The following BRF1 variants were observed in gnomAD, a reference collection of about 807,000 sequenced individuals.
BRF1 encodes the protein BRF1 general transcription factor IIIB subunit, also known as transcription factor IIIB 90 kDa subunit.
BRF1 carries 59 observed loss-of-function variants against 81.7 expected under a neutral mutation model. That is an observed-to-expected ratio of 0.72 (90% CI 0.59 to 0.90). BRF1 has a LOEUF of 0.90. BRF1 is among the 40% of genes least tolerant of loss of function. The pLI is 0.00. For synonymous variants in BRF1, 491 were observed against 395.6 expected (o/e 1.24, Z -2.86); for missense variants, 1,050 against 936.3 (o/e 1.12, Z -1.58).
chr14:105,247,660 T>C (rs762036093), intron 5 of BRF1: 140 of 985,282 alleles, frequency 1.4e-4, no homozygotes, highest in Non-Finnish European at 1.7e-4. Context: ...CCCGAGATGC[T>C]GGCTGCGTCC....
chr14:105,294,714 G>C (rs1349928971), intron 1 of BRF1, among the ~76,000 whole-genome samples: 1 of 152,068 alleles, frequency 6.6e-6, no homozygotes, highest in East Asian at 1.9e-4. Flanking sequence ...GAGAGACAAA[G>C]GGAAAAAAAG....
At chr14:105,263,924 CAA>C (rs58615148) in intron 3 of BRF1, among the ~76,000 whole-genome samples, 26 of 78,500 alleles carry the variant, frequency 3.3e-4, no homozygotes, top group Admixed American at 5.7e-4. Context: ...GACTCTGTCT[CAA>C]AAAAAAAAAA....
intron 14 of BRF1, 37 bp downstream of exon 14, chr14:105,218,961 C>T: frequency 6.2e-7 from 1 of 1,613,458 alleles, no homozygotes; most frequent in Non-Finnish European, 8.5e-7. Flanking sequence ...ACCTGGACAC[C>T]CCCAAGAAGG....
chr14:105,273,729 C>T (rs1397011047), intron 2 of BRF1, among the ~76,000 whole-genome samples: 1 of 152,158 alleles, frequency 6.6e-6, no homozygotes, highest in African/African-American at 2.4e-5. Flanking sequence ...TAAAAGTCAT[C>T]GCCATTCTCC....
intron 1 of BRF1, among the ~76,000 whole-genome samples, chr14:105,291,491 C>T (rs1665935612): frequency 6.6e-6 from 1 of 152,098 alleles, no homozygotes; most frequent in Admixed American, 6.5e-5. Context: ...GCCTGGCCAA[C>T]AGGGCGAAAC....
intron 3 of BRF1, among the ~76,000 whole-genome samples, chr14:105,272,464 C>T (rs2056699787): frequency 6.6e-6 from 1 of 152,246 alleles, no homozygotes; most frequent in Non-Finnish European, 1.5e-5. Flanking sequence ...GATTCTCAGG[C>T]ACCGACAGAA....
At chr14:105,302,492 C>T (rs776354170), upstream of BRF1, among the ~76,000 whole-genome samples, 5 of 148,204 alleles carry the variant, frequency 3.4e-5, no homozygotes, top group East Asian at 2.1e-4. Context: ...CATGAGCCAC[C>T]GTGCATGGCC....
At chr14:105,251,650 C>T (rs1423403154) in intron 5 of BRF1, among the ~76,000 whole-genome samples, 1 of 152,136 alleles carries the variant, frequency 6.6e-6, no homozygotes, top group African/African-American at 2.4e-5. Context: ...GTTGCTCAGT[C>T]CTGTTGGTGA....
intron 5 of BRF1, chr14:105,251,097 A>G: frequency 4.9e-6 from 1 of 203,130 alleles, no homozygotes; most frequent in Non-Finnish European, 1.1e-5. Context: ...AATAACACCC[A>G]CGTGTCAGTA....
rs1271589102 is a variant in BRF1 at position 105,241,202 on chromosome 14, G to A, written c.694+63C>T. 6.3e-6 allele frequency: 10 copies of A among 1,588,806 alleles called. No homozygotes were observed. The East Asian group carries it at 6.7e-5, about 11-fold the overall frequency. On this transcript the variant is annotated intron_variant, in intron 6 of 17. Transcript: ENST00000547530. ...CGGCCCAGCCCACCAGCACTCAGGA[G>A]TCAGGAAAGTGTGAGGCCAGGACCC... is the stretch of plus-strand genomic sequence containing the variant.
At chr14:105,229,525 G>A (rs1000124018) in intron 6 of BRF1, among the ~76,000 whole-genome samples, 1 of 152,212 alleles carries the variant, frequency 6.6e-6, no homozygotes, top group Admixed American at 6.5e-5. Context: ...AGCTGGGGTA[G>A]TTGACCAGGC....
At chr14:105,286,405 C>G (rs1455685657) in intron 1 of BRF1, 29 bp from the exon 2 acceptor site, 1 of 1,598,790 alleles carries the variant, frequency 6.3e-7, no homozygotes, top group African/African-American at 1.3e-5. Flanking sequence ...ACAGATCAGC[C>G]AAAACTTGGA....
In BRF1 at chr14:105,297,542, C is replaced by T. The variant is rs140289770; in HGVS notation, c.184+2904G>A. Among the ~76,000 whole-genome samples, 90 of 151,898 alleles carry T rather than the reference C, an allele frequency of 5.9e-4. No individual in the cohort carries two copies. In the East Asian group the frequency reaches 0.017, roughly 28 times the overall value. On this transcript the variant is annotated intron_variant, in intron 1 of 17. Coordinates refer to ENST00000547530, the MANE Select transcript of BRF1 (RefSeq NM_001519.4). Reference sequence around the variant, plus strand: ...CTCAGATCGCGCCACTGCACTTCAGCGTGGGTGACAGGGTGAGACTCTGTC... The same window carrying T: ...CTCAGATCGCGCCACTGCACTTCAGTGTGGGTGACAGGGTGAGACTCTGTC...
At chr14:105,248,979 GCCCCCGCGCCAGCGCCGCCGC>G (rs2055366595) in intron 5 of BRF1, 2 of 978,634 alleles carry the variant, frequency 2.0e-6, no homozygotes, top group African/African-American at 3.6e-5. Flanking sequence ...CCCGCCCAGC[GCCCCCGCGCCAGCGCCGCCGC>G]CGCCCGCGCC....
intron 7 of BRF1, 143 bp downstream of exon 7, chr14:105,228,677 A>AC: frequency 2.3e-6 from 2 of 868,406 alleles, no homozygotes; most frequent in Non-Finnish European, 3.6e-6. Context: ...CCATAGTGTG[A>AC]CCGGGGCTGG....
At chr14:105,248,648 CGCAGGGGCGGGGGT>C (rs1223420751) in intron 5 of BRF1, 1 of 980,202 alleles carries the variant, frequency 1.0e-6, no homozygotes, top group Non-Finnish European at 1.2e-6. Context: ...CGGGCAGGGT[CGCAGGGGCGGGGGT>C]GGCAGGGGAG....
intron 3 of BRF1, 102 bp downstream of exon 3, chr14:105,272,619 G>T: frequency 7.1e-7 from 1 of 1,402,948 alleles, no homozygotes; most frequent in Non-Finnish European, 9.5e-7. Flanking sequence ...TTCTATTAAA[G>T]ACAAACACCA....
At chr14:105,247,820 C>G (rs2055225311) in intron 5 of BRF1, 12 of 985,496 alleles carry the variant, frequency 1.2e-5, no homozygotes, top group Non-Finnish European at 1.4e-5. Context: ...GCTGTGCGGC[C>G]CAGGCCAGGT....
chr14:105,282,164 T>C (rs991158014), intron 2 of BRF1, among the ~76,000 whole-genome samples: 1 of 152,220 alleles, frequency 6.6e-6, no homozygotes, highest in African/African-American at 2.4e-5. Context: ...ATGGGGTGCC[T>C]GTCTCAACCC....
Sources: allele counts gnomAD v4.1 joint callset (sites outside exome capture counted in the v4.1 genomes callset), GRCh38; gene constraint gnomAD v4.1.1; transcripts MANE v1.5; gene names NCBI Gene and HGNC (gene_info 2026-07-23, HGNC 2026-07-21).